The following SPMIP3 variants were observed in gnomAD, a reference collection of about 807,000 sequenced individuals.
SPMIP3 encodes the protein sperm microtubule inner protein 3.
chr1:244,371,113 G>C, the SPMIP3 span, among the ~76,000 whole-genome samples: 2 of 152,296 alleles, frequency 1.3e-5, no homozygotes, highest in South Asian at 4.1e-4. Context: ...GCTAAGCCCA[G>C]ATCCCACTCC....
the SPMIP3 span, among the ~76,000 whole-genome samples, chr1:244,378,199 C>T: frequency 1.3e-5 from 2 of 152,022 alleles, no homozygotes; most frequent in East Asian, 1.9e-4. Context: ...TGGCTGTGCA[C>T]GGGTGGATCT....
the SPMIP3 span, among the ~76,000 whole-genome samples, chr1:244,359,730 A>T: frequency 6.6e-6 from 1 of 151,948 alleles, no homozygotes; most frequent in African/African-American, 2.4e-5. Flanking sequence ...CCTCAAAAAA[A>T]TTAATTAATT....
the SPMIP3 span, among the ~76,000 whole-genome samples, chr1:244,378,901 A>G: frequency 1.3e-5 from 2 of 150,574 alleles, no homozygotes; most frequent in Non-Finnish European, 3.0e-5. Flanking sequence ...CTCAAGTCTG[A>G]CCACGCTTTC....
At chr1:244,374,174 C>T in the SPMIP3 span, among the ~76,000 whole-genome samples, 1 of 152,076 alleles carries the variant, frequency 6.6e-6, no homozygotes, top group African/African-American at 2.4e-5. Flanking sequence ...AAAACCTGAG[C>T]ACCATTGCCC....
At chr1:244,371,917 G>A in the SPMIP3 span, among the ~76,000 whole-genome samples, 6 of 152,072 alleles carry the variant, frequency 3.9e-5, no homozygotes, top group African/African-American at 1.4e-4. Context: ...TACCATCCAG[G>A]GCTCAGTCAT....
chr1:244,377,247 G>A, the SPMIP3 span, among the ~76,000 whole-genome samples: 1 of 151,542 alleles, frequency 6.6e-6, no homozygotes, highest in East Asian at 1.9e-4. Flanking sequence ...TCAGCCTCCC[G>A]AGTAGCTGGG....
chr1:244,378,352 G>A, the SPMIP3 span: 2 of 1,070,320 alleles, frequency 1.9e-6, no homozygotes, highest in Middle Eastern at 2.2e-4. Flanking sequence ...TGGGAGTCTT[G>A]TCAATACTCT....
At chr1:244,358,103 G>A in the SPMIP3 span, among the ~76,000 whole-genome samples, 77 of 151,926 alleles carry the variant, frequency 5.1e-4, 1 homozygote, top group Middle Eastern at 3.4e-3. Context: ...GGTGGTACAC[G>A]CCTGTAATCC....
the SPMIP3 span, chr1:244,364,863 CAG>C: frequency 8.4e-7 from 1 of 1,195,938 alleles, no homozygotes; most frequent in Non-Finnish European, 1.2e-6. Flanking sequence ...AGACTACTGC[CAG>C]GGAGTTCTAG....
chr1:244,379,150 G>A, the SPMIP3 span, among the ~76,000 whole-genome samples: 1,192 of 151,290 alleles, frequency 7.9e-3, 15 homozygotes, highest in African/African-American at 0.028. Context: ...GGATGGTCTC[G>A]AACTCCTGAC....
chr1:244,388,980 C>T, the SPMIP3 span: 2 of 1,613,700 alleles, frequency 1.2e-6, no homozygotes, highest in African/African-American at 2.7e-5. Flanking sequence ...CACAGTTTCG[C>T]TGAATCCTCG....
chr1:244,364,830 C>T, the SPMIP3 span: 5 of 1,413,240 alleles, frequency 3.5e-6, no homozygotes, highest in Non-Finnish European at 5.0e-6. Flanking sequence ...TAGAATTGCA[C>T]ATCCTGCTGC....
chr1:244,384,448 C>T, the SPMIP3 span, among the ~76,000 whole-genome samples: 3 of 152,186 alleles, frequency 2.0e-5, no homozygotes, highest in African/African-American at 7.2e-5. Context: ...AAGCAATCTG[C>T]CCACCTCAGC....
chr1:244,365,570 G>A, the SPMIP3 span, among the ~76,000 whole-genome samples: 9 of 152,200 alleles, frequency 5.9e-5, no homozygotes, highest in East Asian at 3.9e-4. Flanking sequence ...ACCCAGTCTC[G>A]GGTATTTCTT....
the SPMIP3 span, among the ~76,000 whole-genome samples, chr1:244,364,318 G>C: frequency 0.37 from 55,791 of 151,748 alleles, 11,552 homozygotes; most frequent in Middle Eastern, 0.5. Flanking sequence ...TGTTAGCCAG[G>C]ATGGTCTCGA....
At chr1:244,377,785 G>A in the SPMIP3 span, among the ~76,000 whole-genome samples, 5 of 152,094 alleles carry the variant, frequency 3.3e-5, no homozygotes, top group African/African-American at 1.2e-4. Flanking sequence ...GAGGCACATA[G>A]TGGTTAGTCT....
At chr1:244,369,377 C>T in the SPMIP3 span, among the ~76,000 whole-genome samples, 1 of 152,124 alleles carries the variant, frequency 6.6e-6, no homozygotes, top group African/African-American at 2.4e-5. Context: ...AAACTTTGAT[C>T]GAAACAGTCT....
At chr1:244,363,567 C>T in the SPMIP3 span, among the ~76,000 whole-genome samples, 1 of 152,026 alleles carries the variant, frequency 6.6e-6, no homozygotes, top group Non-Finnish European at 1.5e-5. Context: ...TGGGTGGGGC[C>T]CCCAGGAGGC....
chr1:244,365,971 A>T, the SPMIP3 span, among the ~76,000 whole-genome samples: 106 of 152,272 alleles, frequency 7.0e-4, no homozygotes, highest in African/African-American at 2.5e-3. Context: ...AACAAGCCCT[A>T]GATCTGTCTT....
Sources: gnomAD v4.1 joint callset for allele counts (sites outside exome capture counted in the v4.1 genomes callset) on GRCh38, gnomAD v4.1.1 for gene constraint, MANE v1.5 for transcripts, NCBI Gene and HGNC (gene_info 2026-07-23, HGNC 2026-07-21) for gene names.